RAD51B: variants seen among roughly 807,000 people sequenced by gnomAD.
RAD51B encodes the protein RAD51 paralog B.
A neutral mutation model predicts 42.2 loss-of-function variants in RAD51B; 38 were observed. That is an observed-to-expected ratio of 0.90 (90% CI 0.70 to 1.18). RAD51B has a LOEUF of 1.18. Among genes scored for constraint, RAD51B ranks in the 50% most tolerant of loss-of-function variants. The probability of loss-of-function intolerance (pLI) is 0.00; values close to 1 mark genes in which losing one functional copy is unlikely to be tolerated. For missense variants in RAD51B, 373 were observed against 400.7 expected (o/e 0.93, Z 0.59); for synonymous variants, 154 against 145.2 (o/e 1.06, Z -0.43).
chr14:68,511,233 C>T (rs778125987), intron 10 of RAD51B, among the ~76,000 whole-genome samples: 6 of 152,226 alleles, frequency 3.9e-5, no homozygotes, highest in African/African-American at 1.2e-4. Context: ...AGGAATGATC[C>T]GGGCCAGCCT....
rs1017324268 is a variant in RAD51B at position 68,092,949 on chromosome 14, T to C, written c.757-198935T>C. 8.0e-5 allele frequency among the ~76,000 whole-genome samples: 12 copies of C among 150,454 alleles called. 1 individual carries two copies. The South Asian group carries it at 2.4e-3, about 30-fold the overall frequency. The stretch of plus-strand genomic sequence containing the variant: ...TGTCAAAGGCTTTTTCTGCATCTAT[T>C]GAGATAATCATGTGGTTTTTGTCTT... On this transcript the variant is annotated intron_variant, in intron 7 of 10. Transcript: ENST00000471583.
intron 7 of RAD51B, among the ~76,000 whole-genome samples, chr14:68,253,090 A>C (rs1243155281): frequency 6.6e-6 from 1 of 152,160 alleles, no homozygotes. Flanking sequence ...CAAAAAAAAA[A>C]AAAAAGAATG....
At chr14:68,595,416 T>C (rs1890950541) in exon 11 of RAD51B, 1 of 1,066,422 alleles carries the variant, frequency 9.4e-7, no homozygotes, top group South Asian at 4.6e-5. Context: ...ATGAATTGAG[T>C]ATAACTGTCT....
chr14:68,021,518 A>G (rs1443377771), intron 7 of RAD51B, among the ~76,000 whole-genome samples: 3 of 152,188 alleles, frequency 2.0e-5, no homozygotes, highest in African/African-American at 7.2e-5. Context: ...CTACTATAAA[A>G]TACTCTGCCT....
rs1383953365 is a variant in RAD51B, at chr14:68,659,980, C to T, written c.*11+9124C>T. Among the ~76,000 whole-genome samples, 6 of 152,206 alleles carry T rather than the reference C, an allele frequency of 3.9e-5. No homozygotes were observed. In the East Asian group the frequency reaches 1.2e-3, roughly 29 times the overall value. ...GGGTCAAGAAATAAACCAAGGAAAT[C>T]AGGTGTCTCTGAGTTCACTGTTCTG... On this transcript the variant is annotated intron_variant, in intron 11 of 11. Transcript: ENST00000488612.
chr14:68,236,282 G>C (rs1200113788), intron 7 of RAD51B: 1 of 152,214 alleles, frequency 6.6e-6, no homozygotes, highest in East Asian at 1.9e-4. Context: ...CTGGAGTGTA[G>C]TGGCCATTTG....
chr14:68,086,250 C>T (rs1006899056), intron 7 of RAD51B, among the ~76,000 whole-genome samples: 3 of 152,258 alleles, frequency 2.0e-5, no homozygotes, highest in East Asian at 1.9e-4. Flanking sequence ...AGCCAAACTC[C>T]GCGTTGTTGG....
chr14:68,056,881 C>T (rs917113421), intron 7 of RAD51B, among the ~76,000 whole-genome samples: 69 of 151,980 alleles, frequency 4.5e-4, no homozygotes, highest in African/African-American at 1.6e-3. Context: ...GAGTTCGAGA[C>T]CAGCCTGGCC....
At chr14:68,502,808 G>A (rs1398878288) in intron 10 of RAD51B, among the ~76,000 whole-genome samples, 1 of 152,128 alleles carries the variant, frequency 6.6e-6, no homozygotes, top group East Asian at 1.9e-4. Flanking sequence ...TGGGAACCTG[G>A]GAGACAAGAA....
rs34821600 is a variant in RAD51B, at chr14:68,669,627, T to TACACACAC, written c.*11+18798_*11+18805dup. Reference sequence around the variant, plus strand: ...CAAACACACTATCAAACCCGCCACTTACACACACACACACACACACACACA... The same window carrying TACACACAC: ...CAAACACACTATCAAACCCGCCACTTACACACACACACACACACACACACACACACACA... On this transcript the variant is annotated intron_variant, in intron 11 of 11. Transcript: ENST00000488612. Among the ~76,000 whole-genome samples the TACACACAC allele has an allele frequency of 4.2e-3, 623 of 148,014 alleles. 6 individuals carry two copies. Among genetic ancestry groups the TACACACAC allele is most frequent in the African/African-American group, 0.015 (591 of 39,868 alleles).
chr14:68,558,874 T>C (rs1888995991), intron 10 of RAD51B, among the ~76,000 whole-genome samples: 1 of 152,190 alleles, frequency 6.6e-6, no homozygotes, highest in Non-Finnish European at 1.5e-5. Flanking sequence ...CAGTCCACCA[T>C]GGGAGACACA....
chr14:68,326,027 CT>C (rs1156621815), intron 8 of RAD51B, among the ~76,000 whole-genome samples: 1 of 51,636 alleles, frequency 1.9e-5, no homozygotes, highest in Non-Finnish European at 4.3e-5. Flanking sequence ...TGTTGTTATT[CT>C]TTTTCTTTTC....
intron 7 of RAD51B, among the ~76,000 whole-genome samples, chr14:68,080,628 A>G (rs2076898242): frequency 6.6e-6 from 1 of 152,110 alleles, no homozygotes; most frequent in South Asian, 2.1e-4. Flanking sequence ...CTTTTAACCT[A>G]GTTGAGCAGT....
intron 10 of RAD51B, among the ~76,000 whole-genome samples, chr14:68,643,886 G>A (rs1892514110): frequency 6.6e-6 from 1 of 152,070 alleles, no homozygotes; most frequent in Non-Finnish European, 1.5e-5. Context: ...AAGGGGGTGG[G>A]GCCTCTCTCT....
chr14:67,844,727 G>A (rs550899551), intron 4 of RAD51B, among the ~76,000 whole-genome samples: 44 of 151,632 alleles, frequency 2.9e-4, no homozygotes, highest in East Asian at 5.8e-4. Flanking sequence ...CCATTAACTC[G>A]TCATTTACAT....
At chr14:67,945,243 A>G (rs543050248) in intron 7 of RAD51B, among the ~76,000 whole-genome samples, 1 of 152,332 alleles carries the variant, frequency 6.6e-6, no homozygotes, top group South Asian at 2.1e-4. Context: ...GTTTGTGTAC[A>G]GCCTAAGACC....
chr14:68,658,485 G>A (rs146581607), intron 11 of RAD51B, among the ~76,000 whole-genome samples: 17 of 152,358 alleles, frequency 1.1e-4, no homozygotes, highest in Admixed American at 2.6e-4. Flanking sequence ...GAAAACAGCC[G>A]TCATAGTGCC....
chr14:67,933,590 G>T (rs974234300), intron 7 of RAD51B, among the ~76,000 whole-genome samples: 1 of 152,140 alleles, frequency 6.6e-6, no homozygotes, highest in African/African-American at 2.4e-5. Context: ...GATTGTTAAG[G>T]TTCTCTCACT....
chr14:68,555,925 A>T (rs1888820072), intron 10 of RAD51B, among the ~76,000 whole-genome samples: 1 of 152,136 alleles, frequency 6.6e-6, no homozygotes, highest in African/African-American at 2.4e-5. Context: ...TACCTGCTTC[A>T]TGGACTGGAT....
Sources: gnomAD v4.1 joint callset for allele counts (sites outside exome capture counted in the v4.1 genomes callset) on GRCh38, gnomAD v4.1.1 for gene constraint, MANE v1.5 for transcripts, NCBI Gene and HGNC (gene_info 2026-07-23, HGNC 2026-07-21) for gene names.